Variants in EYS observed in about 807,000 individuals in gnomAD.
EYS encodes EGF-like photoreceptor maintenance factor.
Under a neutral mutation model 282.1 loss-of-function variants are expected in EYS, and 250 were observed. The observed-to-expected ratio is 0.89, with a 90% CI of 0.80 to 0.98. EYS has a LOEUF of 0.98. EYS is among the 50% of genes least tolerant of loss of function. The probability of loss-of-function intolerance (pLI) is 0.00; values close to 1 mark genes in which losing one functional copy is unlikely to be tolerated. For missense variants in EYS, 4,016 were observed against 3,709.0 expected, an observed-to-expected ratio of 1.08 and a Z score of -2.15; for synonymous variants, 1,355 against 1,282.9, an observed-to-expected ratio of 1.06 and a Z score of -1.20.
chr6:65,007,687 A>T (rs1771725626), intron 13 of EYS, among the ~76,000 whole-genome samples: 1 of 152,126 alleles, frequency 6.6e-6, no homozygotes, highest in Admixed American at 6.5e-5. Flanking sequence ...GTCCAAAAGG[A>T]GATAAATAAA....
intron 14 of EYS, among the ~76,000 whole-genome samples, chr6:64,995,926 C>T (rs1347450536): frequency 3.9e-5 from 6 of 152,154 alleles, no homozygotes; most frequent in African/African-American, 1.2e-4. Flanking sequence ...TAATGTCCCA[C>T]AGAATATCTG....
At chr6:63,724,311 T>G (rs563939721) in intron 42 of EYS, among the ~76,000 whole-genome samples, 18 of 152,306 alleles carry the variant, frequency 1.2e-4, no homozygotes, top group Admixed American at 5.2e-4. Context: ...AAGAGAAACC[T>G]TGTAGGACCT....
intron 28 of EYS, among the ~76,000 whole-genome samples, chr6:64,391,275 C>T (rs1284690283): frequency 7.9e-5 from 12 of 151,546 alleles, no homozygotes; most frequent in South Asian, 2.1e-4. Context: ...ATACAGAGAA[C>T]GCCACAAAGA....
chr6:63,832,530 C>T (rs1166543422), intron 36 of EYS, among the ~76,000 whole-genome samples: 2 of 152,020 alleles, frequency 1.3e-5, no homozygotes, highest in African/African-American at 4.8e-5. Flanking sequence ...ACGTTGAATC[C>T]CTGAATAGAC....
intron 19 of EYS, among the ~76,000 whole-genome samples, chr6:64,874,243 AT>A (rs1226441409): frequency 1.3e-5 from 2 of 152,084 alleles, no homozygotes; most frequent in Admixed American, 6.6e-5. Context: ...TGCATTTTAC[AT>A]GGTTGTTAAG....
At chr6:64,753,462 A>G (rs904149619) in intron 22 of EYS, among the ~76,000 whole-genome samples, 1 of 151,852 alleles carries the variant, frequency 6.6e-6, no homozygotes, top group African/African-American at 2.4e-5. Context: ...AAGAGTAGTT[A>G]TACTTACATC....
intron 22 of EYS, among the ~76,000 whole-genome samples, chr6:64,688,191 A>G (rs1038635964): frequency 7.9e-5 from 12 of 151,470 alleles, no homozygotes; most frequent in Admixed American, 7.9e-4. Context: ...GGATTCATTG[A>G]TTTTTTTAAT....
chr6:65,691,554 T>A (rs1046389846), intron 1 of EYS, among the ~76,000 whole-genome samples: 1 of 150,134 alleles, frequency 6.7e-6, no homozygotes, highest in African/African-American at 2.4e-5. Flanking sequence ...CTGATGATAC[T>A]TTCTTTTGTT....
intron 22 of EYS, among the ~76,000 whole-genome samples, chr6:64,664,987 A>G (rs1198810282): frequency 1.3e-5 from 2 of 152,238 alleles, no homozygotes; most frequent in Non-Finnish European, 2.9e-5. Context: ...GAGTACATCA[A>G]TTTCTTGCAT....
At chr6:65,675,001 T>A (rs1476789996) in intron 1 of EYS, among the ~76,000 whole-genome samples, 1 of 149,508 alleles carries the variant, frequency 6.7e-6, no homozygotes, top group African/African-American at 2.6e-5. Flanking sequence ...ATATGTAAAG[T>A]TTTTTGTATG....
intron 2 of EYS, among the ~76,000 whole-genome samples, chr6:65,591,134 C>T (rs530067010): frequency 2.3e-4 from 35 of 151,960 alleles, no homozygotes; most frequent in Non-Finnish European, 4.1e-4. Context: ...CATGGCCTCT[C>T]CAACATTTGT....
chr6:64,702,349 A>G (rs924259181), intron 22 of EYS, among the ~76,000 whole-genome samples: 1 of 152,096 alleles, frequency 6.6e-6, no homozygotes, highest in Admixed American at 6.6e-5. Flanking sequence ...AAAATGCTCA[A>G]TGTAGGACCA....
chr6:65,313,492 G>A (rs966904147), intron 11 of EYS, among the ~76,000 whole-genome samples: 8 of 150,868 alleles, frequency 5.3e-5, no homozygotes, highest in Non-Finnish European at 1.0e-4. Flanking sequence ...CTCCAAATAC[G>A]GTCTTTCTGC....
At chr6:65,430,970 T>C (rs747742579) in intron 5 of EYS, among the ~76,000 whole-genome samples, 8 of 152,046 alleles carry the variant, frequency 5.3e-5, no homozygotes, top group South Asian at 2.1e-4. Flanking sequence ...TTGGTGGCCA[T>C]GGGGGAAAAA....
chr6:64,247,046 T>A (rs990660642), intron 30 of EYS, among the ~76,000 whole-genome samples: 5 of 152,166 alleles, frequency 3.3e-5, no homozygotes, highest in African/African-American at 1.2e-4. Flanking sequence ...GGACTAAGTG[T>A]TTCATGTCAA....
At chr6:65,322,300 G>C (rs1385085947) in intron 11 of EYS, among the ~76,000 whole-genome samples, 3 of 152,168 alleles carry the variant, frequency 2.0e-5, no homozygotes, top group Admixed American at 6.5e-5. Flanking sequence ...TTAAGCCGAG[G>C]CATGAAATGT....
At chr6:64,415,959 T>C (rs1429902151) in intron 28 of EYS, among the ~76,000 whole-genome samples, 1 of 152,200 alleles carries the variant, frequency 6.6e-6, no homozygotes, top group African/African-American at 2.4e-5. Context: ...GTTTTGTCTT[T>C]CCTTTTTAAC....
chr6:65,305,920 G>T (rs9354220), intron 11 of EYS, among the ~76,000 whole-genome samples: 2 of 152,150 alleles, frequency 1.3e-5, no homozygotes. Context: ...GGCTGTAGCA[G>T]TACACTGAAT....
At chr6:65,439,329 G>T (rs1318733595) in intron 5 of EYS, among the ~76,000 whole-genome samples, 1 of 151,896 alleles carries the variant, frequency 6.6e-6, no homozygotes, top group South Asian at 2.1e-4. Flanking sequence ...TGGCAATGCA[G>T]GCTCTTTTTT....
Sources: allele counts gnomAD v4.1 joint callset (sites outside exome capture counted in the v4.1 genomes callset), GRCh38; gene constraint gnomAD v4.1.1; transcripts MANE v1.5; gene names NCBI Gene and HGNC (gene_info 2026-07-23, HGNC 2026-07-21).